The following INTS10 variants were observed in gnomAD, a reference collection of about 807,000 sequenced individuals.
INTS10 encodes the protein chromosome 8 open reading frame 35.
Under a neutral mutation model 94.4 loss-of-function variants are expected in INTS10, and 44 were observed. The observed-to-expected ratio is 0.47, with a 90% CI of 0.37 to 0.60. INTS10 has a LOEUF of 0.60. Ranked by LOEUF, INTS10 falls within the 20% of genes least tolerant of loss-of-function variation. The probability of loss-of-function intolerance (pLI) is 0.00; values close to 1 mark genes in which losing one functional copy is unlikely to be tolerated. For synonymous variants in INTS10, 341 were observed against 320.7 expected, an observed-to-expected ratio of 1.06 and a Z score of -0.68; for missense variants, 797 against 868.7, an observed-to-expected ratio of 0.92 and a Z score of 1.04.
At chr8:19,827,003 G>C (rs2066849130) in intron 9 of INTS10, among the ~76,000 whole-genome samples, 1 of 152,190 alleles carries the variant, frequency 6.6e-6, no homozygotes, top group Non-Finnish European at 1.5e-5. Flanking sequence ...GGGCAGGGCA[G>C]CAGGAACAGC....
chr8:19,840,929 TAA>T (rs2128800151), intron 13 of INTS10, among the ~76,000 whole-genome samples: 1 of 152,288 alleles, frequency 6.6e-6, no homozygotes, highest in African/African-American at 2.4e-5. Context: ...TTGGTAATGC[TAA>T]GTTAGTTTCC....
Position 19,844,726 on chromosome 8 carries a change from C to T in INTS10, c.1882+488C>T, listed in dbSNP as rs57644212. Among the ~76,000 whole-genome samples, 894 of 152,254 alleles carry T rather than the reference C, an allele frequency of 5.9e-3. 9 individuals are homozygous for T. Among genetic ancestry groups the T allele is most frequent in the African/African-American group, 0.02 (849 of 41,540 alleles). ...TGCACAGCACAGTAGCTGCTTCTGA[C>T]ATTAGGTAATGCTGTATTTCACACT... On this transcript the variant is annotated intron_variant, in intron 15 of 16. Transcript: ENST00000397977.
At chr8:19,819,707 C>A in intron 3 of INTS10, 31 bp downstream of exon 3, 1 of 1,469,112 alleles carries the variant, frequency 6.8e-7, no homozygotes, top group Non-Finnish European at 9.5e-7. Flanking sequence ...GTTACCATTT[C>A]GGGAATACCA....
chr8:19,837,458 C>T (rs2067753227), intron 13 of INTS10: 3 of 238,516 alleles, frequency 1.3e-5, no homozygotes, highest in Admixed American at 5.1e-5. Context: ...CCAAGTTTTT[C>T]CTTGGCTCTG....
chr8:19,845,507 T>C (rs1027652512), intron 15 of INTS10, 197 bp from the exon 16 acceptor site: 7 of 585,482 alleles, frequency 1.2e-5, no homozygotes, highest in South Asian at 1.0e-4. Context: ...TGGGTTCAAA[T>C]ATGGAGTCTG....
intron 9 of INTS10, among the ~76,000 whole-genome samples, chr8:19,829,454 A>C (rs1224493778): frequency 6.6e-6 from 1 of 151,148 alleles, no homozygotes; most frequent in Non-Finnish European, 1.5e-5. Context: ...TGTGGGCTTT[A>C]TATTACTTGA....
rs2068884160 is a variant in INTS10, at chr8:19,849,942, T to C, written c.1977-1707T>C. 6.6e-6 allele frequency among the ~76,000 whole-genome samples: 1 copy of C among 151,988 alleles called. No homozygotes were observed. On this transcript the variant is annotated intron_variant, in intron 16 of 16. Coordinates refer to ENST00000397977, the MANE Select transcript of INTS10 (RefSeq NM_018142.4). This position sits in a 1 kb window ranked among gnomAD's most constrained non-coding sequence, Gnocchi z 4.6. Reference sequence around the variant, plus strand: ...TGATCTGCAGGATGTAGCATTTAGTTATATTTTTAGTGGTATTAAAAGCAG... The same window carrying C: ...TGATCTGCAGGATGTAGCATTTAGTCATATTTTTAGTGGTATTAAAAGCAG...
chr8:19,819,158 T>C (rs2066171848), intron 2 of INTS10, among the ~76,000 whole-genome samples: 1 of 152,244 alleles, frequency 6.6e-6, no homozygotes, highest in Non-Finnish European at 1.5e-5. Flanking sequence ...TTCTTGTCAC[T>C]GTGATAGGAG....
chr8:19,829,611 A>G (rs1024220751), intron 9 of INTS10, among the ~76,000 whole-genome samples: 7 of 152,244 alleles, frequency 4.6e-5, no homozygotes, highest in Non-Finnish European at 8.8e-5. Flanking sequence ...AGTCATGCGC[A>G]GTGAACCAAA....
Position 19,828,053 on chromosome 8 carries a change from GA to G in INTS10, c.1140+1504del, listed in dbSNP as rs1036800437. On this transcript the variant is annotated intron_variant, in intron 9 of 16. Coordinates refer to ENST00000397977, the MANE Select transcript of INTS10 (RefSeq NM_018142.4). ...GTGAGACCCCGTCTCTATAAAAAATGAAAAAAAAAACTAGCTGGCTGGTGGC... is the reference window on the plus strand; with the variant it reads ...GTGAGACCCCGTCTCTATAAAAAATGAAAAAAAAACTAGCTGGCTGGTGGC... Among the ~76,000 whole-genome samples the G allele has an allele frequency of 2.8e-3, 414 of 146,422 alleles. 1 individual carries two copies. The highest frequency in any genetic ancestry group is 9.9e-3 in the African/African-American group (396 of 39,934).
At chr8:19,826,593 G>C in intron 9 of INTS10, 34 bp downstream of exon 9, 1 of 1,582,938 alleles carries the variant, frequency 6.3e-7, no homozygotes. Context: ...TAACAGATTG[G>C]ATGGGACGCT....
rs2068545490 is a variant in INTS10 at position 19,845,956 on chromosome 8, C to T, written c.1976+159C>T. 5 of 504,272 alleles carry T rather than the reference C, an allele frequency of 9.9e-6. No individual in the cohort carries two copies. The East Asian group carries it at 1.5e-4, about 15-fold the overall frequency. The allele number at this position is 504,272 out of a possible 1,614,324, so 31.2% of individuals were successfully genotyped here. On this transcript the variant is annotated intron_variant, in intron 16 of 16. Coordinates refer to ENST00000397977, the MANE Select transcript of INTS10 (RefSeq NM_018142.4). ...TTGATTCTGGGTACCTTTTGAAAAACTTGCATTTCCTTAACTACATTTCTT... is the reference window on the plus strand; with the variant it reads ...TTGATTCTGGGTACCTTTTGAAAAATTTGCATTTCCTTAACTACATTTCTT...
intron 13 of INTS10, among the ~76,000 whole-genome samples, chr8:19,839,850 G>A (rs2067982951): frequency 6.6e-6 from 1 of 152,014 alleles, no homozygotes; most frequent in African/African-American, 2.4e-5. Context: ...ATCACTTGAG[G>A]CCAGGAGTTT....
chr8:19,849,191 A>G lies in INTS10; in HGVS notation c.1977-2458A>G, dbSNP rs577100978. ...TCTAGCCCTCCCATGGGGTTACTGC[A>G]GCAGGAATTCTTACCTGTGCTTCAG... is the stretch of plus-strand genomic sequence containing the variant. On this transcript the variant is annotated intron_variant, in intron 16 of 16. Coordinates refer to ENST00000397977, the MANE Select transcript of INTS10 (RefSeq NM_018142.4). This position sits in a 1 kb window ranked among gnomAD's most constrained non-coding sequence, Gnocchi z 4.6. 4.7e-6 allele frequency: 6 copies of G among 1,289,768 alleles called. No individual in the cohort carries two copies. Among genetic ancestry groups the G allele is most frequent in the Admixed American group, 4.6e-5 (2 of 43,568 alleles). 79.9% of individuals were successfully genotyped at this position (1,289,768 alleles called of 1,614,324 possible).
At chr8:19,827,672 G>T (rs538335542) in intron 9 of INTS10, among the ~76,000 whole-genome samples, 7 of 151,742 alleles carry the variant, frequency 4.6e-5, no homozygotes, top group East Asian at 1.9e-4. Context: ...CTTCCTTCCG[G>T]TTTTTTTTGC....
Position 19,849,284 on chromosome 8 carries a change from A to C in INTS10, c.1977-2365A>C, listed in dbSNP as rs1293802795. 1 of 1,001,816 alleles carries C rather than the reference A, an allele frequency of 1.0e-6. No individual in the cohort carries two copies. Among genetic ancestry groups the C allele is most frequent in the Admixed American group, 2.3e-5 (1 of 42,570 alleles). The allele number at this position is 1,001,816 out of a possible 1,614,324, so 62.1% of individuals were successfully genotyped here. ...CCCGCTCATAGTGTGCTGTTTGTCA[A>C]CATGTTCGCTGCCCATGGTTCTCAG... On this transcript the variant is annotated intron_variant, in intron 16 of 16. Coordinates refer to ENST00000397977, the MANE Select transcript of INTS10 (RefSeq NM_018142.4). The surrounding 1 kb of genome is among the most constrained non-coding windows in gnomAD (Gnocchi z 4.6).
At chr8:19,823,791 G>C (rs1348702495) in intron 6 of INTS10, 82 bp from the exon 7 acceptor site, 27 of 1,226,754 alleles carry the variant, frequency 2.2e-5, no homozygotes, top group Non-Finnish European at 6.8e-6. Context: ...ATTTTCATGG[G>C]GAGTCAGACT....
intron 11 of INTS10, 48 bp from the exon 12 acceptor site, chr8:19,833,121 T>C (rs774089656): frequency 1.4e-6 from 2 of 1,461,922 alleles, no homozygotes; most frequent in Non-Finnish European, 1.8e-6. Context: ...TAAATTTCTT[T>C]TTTTAACAGC....
intron 9 of INTS10, among the ~76,000 whole-genome samples, chr8:19,827,873 C>A (rs545515202): frequency 7.5e-4 from 114 of 152,296 alleles, no homozygotes; most frequent in African/African-American, 2.4e-3. Context: ...ATATATCTTG[C>A]TTTGCTCACA....
Sources: allele counts gnomAD v4.1 joint callset (sites outside exome capture counted in the v4.1 genomes callset), GRCh38; gene constraint gnomAD v4.1.1; non-coding constraint Gnocchi (gnomAD v3.1); transcripts MANE v1.5; gene names NCBI Gene and HGNC (gene_info 2026-07-23, HGNC 2026-07-21).